CLSTN2: variants seen among roughly 807,000 people sequenced by gnomAD.
CLSTN2 encodes calsyntenin 2.
CLSTN2 carries 48 observed loss-of-function variants against 101.2 expected under a neutral mutation model. That is an observed-to-expected ratio of 0.47 (90% CI 0.38 to 0.60). CLSTN2 has a LOEUF of 0.60. Ranked by LOEUF, CLSTN2 falls within the 20% of genes least tolerant of loss-of-function variation. CLSTN2 has a pLI of 0.00. For missense variants in CLSTN2, 1,160 were observed against 1,238.2 expected (o/e 0.94, Z 0.95); for synonymous variants, 481 against 463.6 (o/e 1.04, Z -0.48).
At chr3:140,530,792 G>A (rs1490434537) in intron 8 of CLSTN2, among the ~76,000 whole-genome samples, 3 of 152,160 alleles carry the variant, frequency 2.0e-5, no homozygotes, top group Admixed American at 2.0e-4. Flanking sequence ...CAGGGCATGG[G>A]GTATGGTCAG....
chr3:140,487,882 T>A (rs1452248855), intron 8 of CLSTN2, among the ~76,000 whole-genome samples: 1 of 152,234 alleles, frequency 6.6e-6, no homozygotes, highest in East Asian at 1.9e-4. Context: ...AGACAGAGTC[T>A]TATATCTATT....
chr3:140,317,261 G>A (rs141824196), intron 2 of CLSTN2, among the ~76,000 whole-genome samples: 1 of 152,216 alleles, frequency 6.6e-6, no homozygotes, highest in Non-Finnish European at 1.5e-5. Context: ...CTTTGAATGT[G>A]CAGGTGGGAA....
In CLSTN2 at chr3:140,541,209, G is replaced by A. The variant is rs116211128; in HGVS notation, c.1508-5306G>A. On this transcript the variant is annotated intron_variant, in intron 9 of 16. Coordinates refer to ENST00000458420, the MANE Select transcript of CLSTN2 (RefSeq NM_022131.3). ...TGAATCTTGGCTTCACTCACTTCTGGTTATGTGGCTTTGGTCAAGTTACCT... is the reference window on the plus strand; with the variant it reads ...TGAATCTTGGCTTCACTCACTTCTGATTATGTGGCTTTGGTCAAGTTACCT... 4.7e-3 allele frequency among the ~76,000 whole-genome samples: 718 copies of A among 152,282 alleles called. 4 individuals are homozygous for A. Among genetic ancestry groups the A allele is most frequent in the African/African-American group, 0.016 (661 of 41,556 alleles).
intron 7 of CLSTN2, chr3:140,460,989 TG>T (rs1933550161): frequency 6.6e-6 from 1 of 152,122 alleles, no homozygotes; most frequent in South Asian, 2.1e-4. Context: ...GTAGGTAAAA[TG>T]GGGAAAATAA....
chr3:140,361,103 C>T (rs114374498), intron 2 of CLSTN2, among the ~76,000 whole-genome samples: 95 of 152,240 alleles, frequency 6.2e-4, no homozygotes, highest in African/African-American at 2.0e-3. Flanking sequence ...CAAATTTTCT[C>T]AGTGAAATAT....
chr3:140,486,175 T>G (rs1434404276), intron 8 of CLSTN2, among the ~76,000 whole-genome samples: 2 of 151,954 alleles, frequency 1.3e-5, no homozygotes, highest in African/African-American at 4.8e-5. Flanking sequence ...CAAACAACAT[T>G]TTACTGAAAA....
chr3:140,481,965 G>T (rs1312492421), intron 8 of CLSTN2, among the ~76,000 whole-genome samples: 1 of 152,098 alleles, frequency 6.6e-6, no homozygotes, highest in Non-Finnish European at 1.5e-5. Flanking sequence ...GATTGCCCTG[G>T]CCAGAACTTC....
chr3:140,561,646 C>T (rs9845717), intron 12 of CLSTN2, among the ~76,000 whole-genome samples: 98,610 of 152,040 alleles, frequency 0.65, 34,542 homozygotes, highest in Middle Eastern at 0.83. Context: ...AAAGATAGTG[C>T]TTCTGCCCTT....
intron 1 of CLSTN2, among the ~76,000 whole-genome samples, chr3:139,997,047 C>CA (rs369329154): frequency 0.042 from 3,581 of 84,796 alleles, 111 homozygotes; most frequent in Middle Eastern, 0.14. Flanking sequence ...GACTCTGTCT[C>CA]AAAAAAAAAA....
chr3:140,471,467 G>T (rs986220090), intron 8 of CLSTN2, among the ~76,000 whole-genome samples: 9 of 152,170 alleles, frequency 5.9e-5, no homozygotes, highest in African/African-American at 2.2e-4. Flanking sequence ...CTGAAAAATT[G>T]CAACAAGCAC....
At chr3:140,100,607 C>G (rs1172913138) in intron 1 of CLSTN2, among the ~76,000 whole-genome samples, 2 of 152,212 alleles carry the variant, frequency 1.3e-5, no homozygotes, top group Non-Finnish European at 2.9e-5. Context: ...CTTTCTTTTG[C>G]TTTCCTAAAT....
intron 2 of CLSTN2, among the ~76,000 whole-genome samples, chr3:140,179,577 G>A (rs1228756638): frequency 8.2e-6 from 1 of 121,864 alleles, no homozygotes; most frequent in African/African-American, 3.1e-5. Flanking sequence ...AGGCTGCAGT[G>A]AGCTGAGATT....
intron 5 of CLSTN2, among the ~76,000 whole-genome samples, chr3:140,431,008 T>C (rs557018180): frequency 6.6e-6 from 1 of 152,324 alleles, no homozygotes; most frequent in South Asian, 2.1e-4. Context: ...TAAAAGGGTA[T>C]ATCAGAAAAC....
intron 1 of CLSTN2, among the ~76,000 whole-genome samples, chr3:139,957,639 T>A (rs1247956238): frequency 6.6e-6 from 1 of 152,104 alleles, no homozygotes; most frequent in East Asian, 1.9e-4. Context: ...ATGAATGAAG[T>A]GATTTAATGA....
At chr3:140,263,558 T>G (rs1416571753) in intron 2 of CLSTN2, among the ~76,000 whole-genome samples, 1 of 152,168 alleles carries the variant, frequency 6.6e-6, no homozygotes, top group South Asian at 2.1e-4. Context: ...GGAGCCTAAT[T>G]ACCAGTTAAC....
At chr3:140,126,443 A>G (rs2009431226) in intron 1 of CLSTN2, among the ~76,000 whole-genome samples, 2 of 152,132 alleles carry the variant, frequency 1.3e-5, no homozygotes, top group South Asian at 2.1e-4. Flanking sequence ...CTCTACTCCT[A>G]GAAGAGTTTT....
intron 2 of CLSTN2, among the ~76,000 whole-genome samples, chr3:140,309,126 C>T (rs1307280025): frequency 6.6e-6 from 1 of 152,182 alleles, no homozygotes; most frequent in Non-Finnish European, 1.5e-5. Flanking sequence ...GAGAGTCAAA[C>T]ATTAAGCACA....
chr3:140,001,754 C>T (rs1320996804), intron 1 of CLSTN2, among the ~76,000 whole-genome samples: 2 of 151,640 alleles, frequency 1.3e-5, no homozygotes, highest in East Asian at 1.9e-4. Flanking sequence ...CCATCCGTAC[C>T]TCCTTCCCCA....
intron 8 of CLSTN2, among the ~76,000 whole-genome samples, chr3:140,531,131 C>T (rs758710858): frequency 1.6e-4 from 24 of 152,058 alleles, no homozygotes; most frequent in Non-Finnish European, 5.9e-5. Flanking sequence ...TCCAGGGCAC[C>T]GAGCATGAGG....
Sources: gnomAD v4.1 joint callset for allele counts (sites outside exome capture counted in the v4.1 genomes callset) on GRCh38, gnomAD v4.1.1 for gene constraint, MANE v1.5 for transcripts, NCBI Gene and HGNC (gene_info 2026-07-23, HGNC 2026-07-21) for gene names.